The following LARGE1 variants were observed in gnomAD, a reference collection of about 807,000 sequenced individuals.
The protein encoded by LARGE1 is LARGE xylosyl- and glucuronyltransferase 1.
Under a neutral mutation model 87.6 loss-of-function variants are expected in LARGE1, and 43 were observed. That is an observed-to-expected ratio of 0.49 (90% confidence interval 0.38 to 0.63). The LOEUF is 0.63. Ranked by LOEUF, LARGE1 falls within the 30% of genes least tolerant of loss-of-function variation. The probability of loss-of-function intolerance (pLI) is 0.00; values close to 1 mark genes in which losing one functional copy is unlikely to be tolerated. For missense variants in LARGE1, 802 were observed against 1,000.2 expected, an observed-to-expected ratio of 0.80 and a Z score of 2.67; for synonymous variants, 434 against 394.6, an observed-to-expected ratio of 1.10 and a Z score of -1.18.
chr22:33,140,717 C>T, the LARGE1 span, among the ~76,000 whole-genome samples: 32 of 152,288 alleles, frequency 2.1e-4, no homozygotes, highest in South Asian at 2.5e-3. Context: ...GCCAGGGGCT[C>T]TCAGGCCTTC....
At chr22:33,881,724 T>C (rs942582976) in intron 1 of LARGE1, among the ~76,000 whole-genome samples, 1 of 152,216 alleles carries the variant, frequency 6.6e-6, no homozygotes, top group Non-Finnish European at 1.5e-5. Context: ...ACAGAGTATA[T>C]TTCACTCATG....
intron 12 of LARGE1, among the ~76,000 whole-genome samples, chr22:33,294,475 G>A (rs1200337246): frequency 1.3e-5 from 2 of 152,200 alleles, no homozygotes; most frequent in African/African-American, 4.8e-5. Flanking sequence ...AGGAGATAAA[G>A]AAACCTGTGC....
At chr22:33,338,555 C>T (rs1009582575) in intron 9 of LARGE1, among the ~76,000 whole-genome samples, 13 of 152,194 alleles carry the variant, frequency 8.5e-5, no homozygotes, top group Admixed American at 8.5e-4. Context: ...AGATTAAATT[C>T]TCTGTTCAAA....
chr22:33,766,913 C>CATATACAT (rs2084919583), intron 1 of LARGE1, among the ~76,000 whole-genome samples: 1 of 111,786 alleles, frequency 8.9e-6, no homozygotes, highest in Non-Finnish European at 1.8e-5. Flanking sequence ...TAAACATATA[C>CATATACAT]ATATATATAT....
At chr22:33,310,963 CTTT>C (rs879377119) in intron 11 of LARGE1, among the ~76,000 whole-genome samples, 5 of 140,364 alleles carry the variant, frequency 3.6e-5, no homozygotes, top group Admixed American at 7.2e-5. Flanking sequence ...GGGGCCCGGA[CTTT>C]TTTTTTTTTT....
chr22:33,167,743 T>C (rs1275132998), intron 11 of LARGE1, among the ~76,000 whole-genome samples: 3 of 152,210 alleles, frequency 2.0e-5, no homozygotes, highest in Non-Finnish European at 4.4e-5. Flanking sequence ...TACTCATTTC[T>C]CCAAGCTCTG....
chr22:33,381,829 G>T, intron 9 of LARGE1, 90 bp downstream of exon 9: 2 of 1,514,418 alleles, frequency 1.3e-6, no homozygotes, highest in Non-Finnish European at 1.8e-6. Flanking sequence ...TCACCACATT[G>T]CACATAAATC....
chr22:33,570,633 C>T lies in LARGE1; in HGVS notation c.616-5614G>A, dbSNP rs563675931. Among the ~76,000 whole-genome samples, 196 of 109,264 alleles carry T rather than the reference C, an allele frequency of 1.8e-3. 5 individuals are homozygous for T. In the South Asian group the frequency reaches 0.056, roughly 31 times the overall value. The allele number at this position is 109,264 out of a possible 152,430, so 71.7% of individuals were successfully genotyped here. A position where few individuals can be genotyped will look rare whatever the true frequency, so the allele number is the denominator to read the frequency against. On this transcript the variant is annotated intron_variant, in intron 5 of 14. Coordinates refer to ENST00000397394, the MANE Select transcript of LARGE1 (RefSeq NM_133642.5). ...ACTGCACTCCAGCCTGGCAATGGAG[C>T]GAGACTCCATTTCAAAAAAAAAAAA...
At chr22:33,758,163 G>A (rs1297362039) in intron 2 of LARGE1, among the ~76,000 whole-genome samples, 1 of 152,188 alleles carries the variant, frequency 6.6e-6, no homozygotes, top group Non-Finnish European at 1.5e-5. Flanking sequence ...GGCCACCAGA[G>A]CAATCCCAAT....
At chr22:33,585,819 G>A (rs5754616) in intron 5 of LARGE1, among the ~76,000 whole-genome samples, 4 of 152,080 alleles carry the variant, frequency 2.6e-5, no homozygotes, top group Non-Finnish European at 4.4e-5. Flanking sequence ...TGAGTCTTTC[G>A]TGACCTCTCC....
intron 1 of LARGE1, among the ~76,000 whole-genome samples, chr22:33,779,291 C>T (rs933491831): frequency 6.6e-6 from 1 of 152,148 alleles, no homozygotes; most frequent in African/African-American, 2.4e-5. Flanking sequence ...CCACCCCAAA[C>T]TCCTAATATT....
chr22:33,413,235 A>G (rs956786694), intron 7 of LARGE1, among the ~76,000 whole-genome samples: 6 of 152,164 alleles, frequency 3.9e-5, no homozygotes, highest in African/African-American at 1.4e-4. Flanking sequence ...GGAGTTTTAA[A>G]GCAACTGAAC....
rs148695396 is a variant in LARGE1 at position 33,781,391 on chromosome 22, C to T, written c.-82-19833G>A. Among the ~76,000 whole-genome samples, 193 of 152,214 alleles carry T rather than the reference C, an allele frequency of 1.3e-3. 1 individual carries two copies. The highest frequency in any genetic ancestry group is 4.3e-3 in the African/African-American group (180 of 41,530). On this transcript the variant is annotated intron_variant, in intron 1 of 14. Coordinates refer to ENST00000397394, the MANE Select transcript of LARGE1 (RefSeq NM_133642.5). ...TGGTGGGTGCCTGTAATCCCAGCTA[C>T]TCGGGAGGCTGAGGCAGGAGAATCA...
chr22:33,709,306 C>A (rs1278166395), intron 2 of LARGE1, among the ~76,000 whole-genome samples: 1 of 152,100 alleles, frequency 6.6e-6, no homozygotes, highest in Non-Finnish European at 1.5e-5. Flanking sequence ...CCCACCACGC[C>A]ACGAAGGTGC....
rs541574125 is a variant in LARGE1 at position 33,394,441 on chromosome 22, G to A, written c.893-10137C>T. 3.9e-5 allele frequency among the ~76,000 whole-genome samples: 6 copies of A among 152,158 alleles called. No homozygotes were observed. The South Asian group carries it at 1.0e-3, about 26-fold the overall frequency. ...TCTCGAACTCCTGACCTCGTAATCCGCATGCCTCGGCCTCCCGAAGTCCTG... is the reference window on the plus strand; with the variant it reads ...TCTCGAACTCCTGACCTCGTAATCCACATGCCTCGGCCTCCCGAAGTCCTG... On this transcript the variant is annotated intron_variant, in intron 7 of 14. Transcript: ENST00000397394.
At chr22:33,425,081 G>A (rs926601688) in intron 7 of LARGE1, among the ~76,000 whole-genome samples, 23 of 152,040 alleles carry the variant, frequency 1.5e-4, no homozygotes, top group Non-Finnish European at 2.9e-5. Context: ...GATCAACGTG[G>A]TGAAACCTCA....
chr22:33,813,757 C>G (rs993262851), intron 1 of LARGE1, among the ~76,000 whole-genome samples: 5 of 152,148 alleles, frequency 3.3e-5, no homozygotes, highest in Non-Finnish European at 7.4e-5. Context: ...TCCATCTTGA[C>G]TGGTATCTCC....
chr22:33,745,779 A>G lies in LARGE1; in HGVS notation c.106+15592T>C, dbSNP rs574815241. Reference sequence around the variant, plus strand: ...AAGAAAATGCATGGCTTGAAAAGTGATAAAAGACACAACCGAGCCCACTGA... The same window carrying G: ...AAGAAAATGCATGGCTTGAAAAGTGGTAAAAGACACAACCGAGCCCACTGA... On this transcript the variant is annotated intron_variant, in intron 2 of 14. Coordinates refer to ENST00000397394, the MANE Select transcript of LARGE1 (RefSeq NM_133642.5). 2.6e-5 allele frequency among the ~76,000 whole-genome samples: 4 copies of G among 152,274 alleles called. No homozygotes were observed. In the South Asian group the frequency reaches 8.3e-4, roughly 32 times the overall value.
chr22:33,637,063 G>A (rs558459903), intron 3 of LARGE1, among the ~76,000 whole-genome samples: 35 of 152,162 alleles, frequency 2.3e-4, no homozygotes, highest in Non-Finnish European at 1.8e-4. Context: ...TTCAAGTAAG[G>A]TTAGGATAGT....
Sources: gnomAD v4.1 joint callset for allele counts (sites outside exome capture counted in the v4.1 genomes callset) on GRCh38, gnomAD v4.1.1 for gene constraint, MANE v1.5 for transcripts, NCBI Gene and HGNC (gene_info 2026-07-23, HGNC 2026-07-21) for gene names.